Variants in SMAP1 observed in about 807,000 individuals in gnomAD.
SMAP1 encodes small ArfGAP 1.
A neutral mutation model predicts 58.5 loss-of-function variants in SMAP1; 24 were observed. That is an observed-to-expected ratio of 0.41 (90% CI 0.30 to 0.58). The LOEUF is 0.58. Among genes scored for constraint, SMAP1 ranks in the 20% least tolerant of loss-of-function variants. SMAP1 has a pLI of 0.29. For synonymous variants in SMAP1, 216 were observed against 196.6 expected (o/e 1.10, Z -0.82); for missense variants, 563 against 566.3 (o/e 0.99, Z 0.06).
At position 70,780,136 on chromosome 6, in the gene SMAP1, G is replaced by A. The variant is rs145958067; in HGVS notation, c.414+6711G>A. The stretch of plus-strand genomic sequence containing the variant: ...AGTCCTGCCCACAATCTCAGGGTTG[G>A]TGTTTATACAGAGTGTATATACCAG... On this transcript the variant is annotated intron_variant, in intron 4 of 10. Transcript: ENST00000370455. 3.3e-4 allele frequency among the ~76,000 whole-genome samples: 51 copies of A among 152,296 alleles called. No individual in the cohort carries two copies. In the East Asian group the frequency reaches 4.2e-3, roughly 13 times the overall value.
At chr6:70,680,813 G>C (rs1766676544) in intron 1 of SMAP1, among the ~76,000 whole-genome samples, 1 of 148,424 alleles carries the variant, frequency 6.7e-6, no homozygotes, top group South Asian at 2.1e-4. Context: ...CTGCCTCCCG[G>C]GTTCAAGTGA....
chr6:70,679,013 A>AT (rs1456496959), intron 1 of SMAP1, among the ~76,000 whole-genome samples: 4 of 150,128 alleles, frequency 2.7e-5, no homozygotes, highest in Admixed American at 6.7e-5. Context: ...TGGAATCTAG[A>AT]TTTTTTGTTT....
rs78069982 is a variant in SMAP1 at position 70,861,617 on chromosome 6, A to T, written c.*1283A>T. ...GCCTAAACTCCAAACATCCTCTTCCATATGGATCCACTGGCTGGACAAACT... is the reference window on the plus strand; with the variant it reads ...GCCTAAACTCCAAACATCCTCTTCCTTATGGATCCACTGGCTGGACAAACT... On this transcript the variant is annotated 3_prime_UTR_variant, in exon 11 of 11. Transcript: ENST00000370455. 8.8e-4 allele frequency: 1,370 copies of T among 1,553,848 alleles called. 14 individuals are homozygous for T. The African/African-American group carries it at 0.015, about 17-fold the overall frequency.
chr6:70,743,550 C>A (rs1765899240), intron 2 of SMAP1, among the ~76,000 whole-genome samples: 1 of 152,090 alleles, frequency 6.6e-6, no homozygotes, highest in East Asian at 1.9e-4. Flanking sequence ...TCTTGTAGAA[C>A]CAGGCACGTA....
In SMAP1 at chr6:70,696,671, A is replaced by G. The variant is rs187867727; in HGVS notation, c.118+28530A>G. 1.8e-4 allele frequency among the ~76,000 whole-genome samples: 28 copies of G among 152,320 alleles called. No homozygotes were observed. The East Asian group carries it at 3.7e-3, about 20-fold the overall frequency. Reference sequence around the variant, plus strand: ...TGTTTTGTGGCCCAGCATATAGTCTATCCTTGAAAATGATCCATGTGCTGA... The same window carrying G: ...TGTTTTGTGGCCCAGCATATAGTCTGTCCTTGAAAATGATCCATGTGCTGA... On this transcript the variant is annotated intron_variant, in intron 1 of 10. Coordinates refer to ENST00000370455, the MANE Select transcript of SMAP1 (RefSeq NM_001044305.3).
At chr6:70,859,497 A>ATAAG (rs1169074978) in intron 10 of SMAP1, 2 of 885,958 alleles carry the variant, frequency 2.3e-6, no homozygotes, top group African/African-American at 3.4e-5. Flanking sequence ...GAAACTGTAA[A>ATAAG]TAAGTCAAGT....
chr6:70,701,105 G>T (rs1018269587), intron 1 of SMAP1, among the ~76,000 whole-genome samples: 3 of 152,150 alleles, frequency 2.0e-5, no homozygotes, highest in Non-Finnish European at 4.4e-5. Context: ...GGGATTGGGG[G>T]AGTGGTGATG....
At chr6:70,697,024 A>T (rs1173778479) in intron 1 of SMAP1, among the ~76,000 whole-genome samples, 1 of 151,964 alleles carries the variant, frequency 6.6e-6, no homozygotes, top group Non-Finnish European at 1.5e-5. Flanking sequence ...CTTGAAATCT[A>T]TTTTGTCCAA....
Position 70,836,964 on chromosome 6 carries a change from G to A in SMAP1, c.600G>A (p.Leu200=). Residue 200 remains leucine (L), a synonymous_variant, in exon 7 of 11, where the codon CTG becomes CTA. Transcript: ENST00000370455. ...AGCTGCAGAAGAAAGATCAGCAACT[G>A]GAGCCTAAAAAAAGTACCAGCCCTA... ...AEKLQKKDQQ[L]EPKKSTSPKK... is the part of the protein sequence containing the mutation. 1 of 1,600,386 alleles carries A rather than the reference G, an allele frequency of 6.2e-7. No individual in the cohort carries two copies. Among genetic ancestry groups the A allele is most frequent in the South Asian group, 1.1e-5 (1 of 87,504 alleles).
At chr6:70,772,241 C>G (rs1444857309) in intron 3 of SMAP1, among the ~76,000 whole-genome samples, 1 of 152,096 alleles carries the variant, frequency 6.6e-6, no homozygotes, top group South Asian at 2.1e-4. Flanking sequence ...TATTCTGGGA[C>G]GTGTTGTGTG....
chr6:70,789,117 C>G (rs1446988969), intron 4 of SMAP1, among the ~76,000 whole-genome samples: 1 of 152,054 alleles, frequency 6.6e-6, no homozygotes, highest in Non-Finnish European at 1.5e-5. Context: ...ATGTTGATTT[C>G]TGTTTCTTTA....
intron 6 of SMAP1, among the ~76,000 whole-genome samples, chr6:70,824,984 G>A (rs4707857): frequency 0.49 from 74,106 of 151,822 alleles, 18,414 homozygotes; most frequent in Non-Finnish European, 0.52. Context: ...GGTCTCTTGC[G>A]GCTGTCAGTA....
At chr6:70,826,752 T>C (rs1330279236) in intron 6 of SMAP1, among the ~76,000 whole-genome samples, 1 of 151,746 alleles carries the variant, frequency 6.6e-6, no homozygotes, top group African/African-American at 2.4e-5. Flanking sequence ...TGAGGCTCTG[T>C]CTCAAACCCC....
chr6:70,782,686 G>T (rs1767812790), intron 4 of SMAP1, among the ~76,000 whole-genome samples: 1 of 152,036 alleles, frequency 6.6e-6, no homozygotes, highest in Admixed American at 6.6e-5. Flanking sequence ...ATGCCTTCTT[G>T]GTCCTCCCCT....
intron 5 of SMAP1, among the ~76,000 whole-genome samples, chr6:70,794,020 A>G (rs1768489425): frequency 6.6e-6 from 1 of 152,180 alleles, no homozygotes; most frequent in South Asian, 2.1e-4. Flanking sequence ...GGCGTGAGCC[A>G]CTGTGCCCGG....
intron 1 of SMAP1, among the ~76,000 whole-genome samples, chr6:70,680,787 C>T (rs372775410): frequency 4.6e-4 from 59 of 127,682 alleles, no homozygotes; most frequent in East Asian, 4.1e-3. Flanking sequence ...GGTATGATCT[C>T]GGCTCACTGC....
chr6:70,749,092 G>C (rs1766166509), intron 2 of SMAP1, among the ~76,000 whole-genome samples: 1 of 152,148 alleles, frequency 6.6e-6, no homozygotes, highest in South Asian at 2.1e-4. Flanking sequence ...AATTGACTCG[G>C]TTCCTCATGG....
intron 1 of SMAP1, chr6:70,668,610 C>T (rs4707842): frequency 0.078 from 119,652 of 1,535,594 alleles, 11,221 homozygotes; most frequent in East Asian, 0.51. Context: ...ACTCCGGGCT[C>T]GGATTCTTGG....
chr6:70,844,808 GTAA>G (rs1023644463), intron 7 of SMAP1, among the ~76,000 whole-genome samples: 33 of 152,226 alleles, frequency 2.2e-4, no homozygotes, highest in African/African-American at 6.7e-4. Flanking sequence ...GGAATTCCAA[GTAA>G]TAATAAAAAT....
Sources: allele counts gnomAD v4.1 joint callset (sites outside exome capture counted in the v4.1 genomes callset), GRCh38; gene constraint gnomAD v4.1.1; transcripts MANE v1.5; gene names NCBI Gene and HGNC (gene_info 2026-07-23, HGNC 2026-07-21).